The following SLC30A8 variants were observed in gnomAD, a reference collection of about 807,000 sequenced individuals.
SLC30A8 encodes proton-coupled zinc antiporter SLC30A8.
Under a neutral mutation model 36.9 loss-of-function variants are expected in SLC30A8, and 27 were observed. That is an observed-to-expected ratio of 0.73 (90% CI 0.54 to 1.01). The LOEUF (loss-of-function observed/expected upper bound fraction) is 1.01. SLC30A8 is among the 50% of genes least tolerant of loss of function. The pLI is 0.00. For synonymous variants in SLC30A8, 164 were observed against 172.4 expected, an observed-to-expected ratio of 0.95 and a Z score of 0.38; for missense variants, 439 against 452.0, an observed-to-expected ratio of 0.97 and a Z score of 0.26.
chr8:117,134,667 GT>G (rs1303251775), upstream of SLC30A8: 2 of 152,024 alleles, frequency 1.3e-5, no homozygotes. Flanking sequence ...AGCAGAGTCT[GT>G]CCTTCTCTTG....
chr8:117,014,721 A>G (rs796502176), intron 1 of SLC30A8, among the ~76,000 whole-genome samples: 9 of 152,264 alleles, frequency 5.9e-5, no homozygotes, highest in Non-Finnish European at 8.8e-5. Flanking sequence ...GAGGCTTTCT[A>G]TTGATAGGTC....
intron 1 of SLC30A8, among the ~76,000 whole-genome samples, chr8:117,013,783 T>TC (rs1217629188): frequency 6.6e-6 from 1 of 152,176 alleles, no homozygotes; most frequent in African/African-American, 2.4e-5. Context: ...AACTTTGCTT[T>TC]CCTATTTAAC....
chr8:117,168,121 T>C (rs1467323932), intron 6 of SLC30A8, among the ~76,000 whole-genome samples: 2 of 152,122 alleles, frequency 1.3e-5, no homozygotes, highest in Non-Finnish European at 2.9e-5. Context: ...GCCCCCACCC[T>C]TGACACGTGG....
chr8:117,084,142 GC>G (rs1818778491), intron 2 of SLC30A8, among the ~76,000 whole-genome samples: 1 of 152,076 alleles, frequency 6.6e-6, no homozygotes, highest in African/African-American at 2.4e-5. Context: ...GTACAACAAG[GC>G]TCCTTATTTT....
chr8:117,031,540 A>T (rs1446854144), intron 1 of SLC30A8, among the ~76,000 whole-genome samples: 1 of 151,382 alleles, frequency 6.6e-6, no homozygotes, highest in Admixed American at 6.6e-5. Context: ...GGCTCATTGC[A>T]ACCTCTGCCT....
At chr8:117,108,456 A>C (rs1438246505) in intron 2 of SLC30A8, among the ~76,000 whole-genome samples, 1 of 152,226 alleles carries the variant, frequency 6.6e-6, no homozygotes, top group African/African-American at 2.4e-5. Context: ...GTGACTTGCC[A>C]GTGCTGTTTT....
intron 2 of SLC30A8, among the ~76,000 whole-genome samples, chr8:117,088,978 T>C (rs964979213): frequency 6.6e-6 from 1 of 152,254 alleles, no homozygotes; most frequent in Non-Finnish European, 1.5e-5. Context: ...CCAAATCCAC[T>C]TGAACATGCA....
At chr8:116,960,379 G>C (rs1318845983) in intron 1 of SLC30A8, among the ~76,000 whole-genome samples, 1 of 152,154 alleles carries the variant, frequency 6.6e-6, no homozygotes, top group African/African-American at 2.4e-5. Flanking sequence ...AAAAGGTCTT[G>C]TTTGCTTAAA....
At chr8:116,973,699 A>G (rs1360118790) in intron 1 of SLC30A8, among the ~76,000 whole-genome samples, 2 of 152,222 alleles carry the variant, frequency 1.3e-5, no homozygotes, top group Admixed American at 6.5e-5. Flanking sequence ...TTTAAAGTTC[A>G]TATGGAACCA....
At chr8:117,149,037 A>C (rs1822037612) in intron 2 of SLC30A8, among the ~76,000 whole-genome samples, 2 of 152,138 alleles carry the variant, frequency 1.3e-5, no homozygotes. Context: ...CAATATTTAT[A>C]TCTCTTTTGT....
At chr8:117,010,231 A>T (rs1252463817) in intron 1 of SLC30A8, among the ~76,000 whole-genome samples, 1 of 152,178 alleles carries the variant, frequency 6.6e-6, no homozygotes, top group Non-Finnish European at 1.5e-5. Flanking sequence ...TAGGCTCTGG[A>T]ACCACTTCTT....
chr8:117,122,644 T>C (rs2130904411), intron 2 of SLC30A8, among the ~76,000 whole-genome samples: 1 of 152,106 alleles, frequency 6.6e-6, no homozygotes, highest in South Asian at 2.1e-4. Flanking sequence ...GGTAGGCAAT[T>C]TTAAACATTG....
chr8:117,092,759 A>G (rs946788108), intron 2 of SLC30A8, among the ~76,000 whole-genome samples: 12 of 152,198 alleles, frequency 7.9e-5, no homozygotes, highest in African/African-American at 2.7e-4. Context: ...TGTTTGTTCC[A>G]GGGAGACACT....
At chr8:117,082,085 A>T (rs1002138109) in intron 2 of SLC30A8, among the ~76,000 whole-genome samples, 1 of 152,204 alleles carries the variant, frequency 6.6e-6, no homozygotes, top group Non-Finnish European at 1.5e-5. Context: ...CTATTCTTCA[A>T]TAGACTTATT....
intron 5 of SLC30A8, among the ~76,000 whole-genome samples, chr8:117,163,006 A>G (rs1472013982): frequency 1.3e-5 from 2 of 152,222 alleles, no homozygotes; most frequent in Admixed American, 6.5e-5. Flanking sequence ...GCCACATGCA[A>G]TTTCTGAACA....
In SLC30A8 at chr8:117,176,198, G is replaced by GTCTT. The variant is rs1823677023; in HGVS notation, c.*3519_*3522dup. 1 of 152,332 alleles carries GTCTT rather than the reference G, an allele frequency of 6.6e-6. No homozygotes were observed. Among genetic ancestry groups the GTCTT allele is most frequent in the Admixed American group, 6.6e-5 (1 of 15,208 alleles). The allele number at this position is 152,332 out of a possible 1,614,324, so 9.4% of individuals were successfully genotyped here. ...CTGTTAAATTTTGTGACCCAACAAA[G>GTCTT]TCTTTTAGCACTGTGGTGTCAAAAA... On this transcript the variant is annotated 3_prime_UTR_variant, in exon 8 of 8. Transcript: ENST00000456015.
Position 117,033,144 on chromosome 8 carries a change from G to A in SLC30A8, c.-265-6075G>A, listed in dbSNP as rs79088433. ...ATGGGACACAGAGTTCCACTCTTAG[G>A]TATACATCCAAAAGTATCAAAAGCA... On this transcript the variant is annotated intron_variant, in intron 1 of 10. Coordinates refer to the SLC30A8 transcript ENST00000427715. 7.4e-3 allele frequency among the ~76,000 whole-genome samples: 1,133 copies of A among 152,282 alleles called. 83 individuals carry two copies. The East Asian group carries it at 0.18, about 24-fold the overall frequency.
chr8:116,961,938 TC>T (rs929302786), intron 1 of SLC30A8, among the ~76,000 whole-genome samples: 1 of 151,848 alleles, frequency 6.6e-6, no homozygotes, highest in African/African-American at 2.4e-5. Context: ...AGGCCCCACA[TC>T]CCAACACCGT....
intron 2 of SLC30A8, among the ~76,000 whole-genome samples, chr8:117,050,592 G>C (rs1457179214): frequency 1.3e-5 from 2 of 152,012 alleles, no homozygotes; most frequent in Non-Finnish European, 2.9e-5. Context: ...TTTTAGTAGA[G>C]ACGGGTTTCA....
Sources: allele counts gnomAD v4.1 joint callset (sites outside exome capture counted in the v4.1 genomes callset), GRCh38; gene constraint gnomAD v4.1.1; transcripts MANE v1.5; gene names NCBI Gene and HGNC (gene_info 2026-07-23, HGNC 2026-07-21).